PNOC: variants seen among roughly 807,000 people sequenced by gnomAD.
The protein encoded by PNOC is nociceptin.
In PNOC, 10 loss-of-function variants were observed where a neutral mutation model predicts 15.6. That is an observed-to-expected ratio of 0.64 (90% confidence interval 0.40 to 1.09). The LOEUF is 1.09. Ranked by LOEUF, PNOC falls within the 50% of genes least tolerant of loss-of-function variation. The pLI is 0.01. For missense variants in PNOC, 220 were observed against 223.9 expected, an observed-to-expected ratio of 0.98 and a Z score of 0.11; for synonymous variants, 98 against 88.5, an observed-to-expected ratio of 1.11 and a Z score of -0.60.
intron 1 of PNOC, among the ~76,000 whole-genome samples, chr8:28,324,758 G>C (rs967663470): frequency 3.3e-5 from 5 of 152,156 alleles, no homozygotes; most frequent in Non-Finnish European, 7.4e-5. Context: ...AGCTACTGAG[G>C]AGGCTGAGGC....
intron 3 of PNOC, among the ~76,000 whole-genome samples, chr8:28,341,362 T>C (rs1000091992): frequency 1.3e-4 from 20 of 152,270 alleles, no homozygotes; most frequent in Admixed American, 6.5e-5. Flanking sequence ...ATACTCACTC[T>C]TGGATCCTTC....
At chr8:28,324,560 C>CT (rs533667020) in intron 1 of PNOC, among the ~76,000 whole-genome samples, 1 of 152,154 alleles carries the variant, frequency 6.6e-6, no homozygotes, top group Non-Finnish European at 1.5e-5. Context: ...AAGACGGAAA[C>CT]TTAGTAGAAT....
intron 1 of PNOC, among the ~76,000 whole-genome samples, chr8:28,318,536 C>T (rs1408611741): frequency 1.3e-5 from 2 of 152,254 alleles, no homozygotes; most frequent in Non-Finnish European, 2.9e-5. Context: ...CTCTTTTTCG[C>T]TGCTTGTGGG....
At chr8:28,339,574 C>T (rs1801479622) in intron 3 of PNOC, 83 bp downstream of exon 3, 3 of 1,109,004 alleles carry the variant, frequency 2.7e-6, no homozygotes, top group Non-Finnish European at 3.6e-6. Context: ...CCTAGAAGCA[C>T]ATTCATCTCC....
chr8:28,342,842 TTC>T (rs1801547314), intron 3 of PNOC, 98 bp from the exon 4 acceptor site: 4 of 333,000 alleles, frequency 1.2e-5, no homozygotes, highest in African/African-American at 8.9e-5. Context: ...TTGATAGCTT[TTC>T]TTTGCCTCCC....
At chr8:28,328,748 A>G (rs892603933) in intron 1 of PNOC, among the ~76,000 whole-genome samples, 1 of 152,160 alleles carries the variant, frequency 6.6e-6, no homozygotes, top group East Asian at 1.9e-4. Context: ...GGTTGATTTA[A>G]TGTCACATGC....
chr8:28,321,681 T>C (rs1045106932), intron 1 of PNOC, among the ~76,000 whole-genome samples: 14 of 152,210 alleles, frequency 9.2e-5, no homozygotes, highest in Admixed American at 3.9e-4. Context: ...GAAAAGGTCT[T>C]GCTTAAAATC....
chr8:28,325,378 G>A (rs1355810391), intron 1 of PNOC, among the ~76,000 whole-genome samples: 1 of 152,130 alleles, frequency 6.6e-6, no homozygotes, highest in Non-Finnish European at 1.5e-5. Context: ...AAGAAGCCAG[G>A]CACAGTGGCT....
chr8:28,342,182 T>G (rs528143632), intron 3 of PNOC, among the ~76,000 whole-genome samples: 9 of 152,022 alleles, frequency 5.9e-5, no homozygotes, highest in Non-Finnish European at 8.8e-5. Flanking sequence ...CCGTCTCTAC[T>G]AAAAATACAA....
chr8:28,326,765 C>T (rs1048431301), intron 1 of PNOC, among the ~76,000 whole-genome samples: 2 of 152,138 alleles, frequency 1.3e-5, no homozygotes, highest in African/African-American at 4.8e-5. Context: ...GAGGCTGTGG[C>T]ATGAGAATCT....
chr8:28,330,915 T>G (rs561755814), intron 2 of PNOC, among the ~76,000 whole-genome samples: 1 of 152,206 alleles, frequency 6.6e-6, no homozygotes. Context: ...TTTTACTTTA[T>G]AGTCAAATAA....
At position 28,322,571 on chromosome 8, in the gene PNOC, C is replaced by G. The variant is rs116540251; in HGVS notation, c.-24+5255C>G. Reference sequence around the variant, plus strand: ...TCAGCTCCTCAAGCCTCAATCTGCTCAACTATAAAATGGGGATGATAGCAC... The same window carrying G: ...TCAGCTCCTCAAGCCTCAATCTGCTGAACTATAAAATGGGGATGATAGCAC... On this transcript the variant is annotated intron_variant, in intron 1 of 3. Coordinates refer to ENST00000301908, the MANE Select transcript of PNOC (RefSeq NM_006228.5). Among the ~76,000 whole-genome samples the G allele has an allele frequency of 2.2e-3, 342 of 152,238 alleles. 4 individuals are homozygous for G. Among genetic ancestry groups the G allele is most frequent in the African/African-American group, 7.3e-3 (305 of 41,536 alleles).
In PNOC at chr8:28,329,234, T is replaced by G; in HGVS notation, c.77T>G (p.Leu26Arg). ...SVFSSCQRDC[L>R]TCQEKLHPAL... ...TTCAGCAGTTGTCAGAGGGACTGTC[T>G]CACATGCCAGGAGAAGCTCCACCCA... Residue 26 changes from leucine (L) to arginine (R), a missense_variant, in exon 2 of 4, where the codon CTC (leucine) becomes CGC (arginine). Transcript: ENST00000301908. The G allele has an allele frequency of 6.2e-7, 1 of 1,614,032 alleles. No homozygotes were observed. Among genetic ancestry groups the G allele is most frequent in the Non-Finnish European group, 8.5e-7 (1 of 1,180,014 alleles).
Position 28,329,166 on chromosome 8 carries a change from C to T in PNOC, c.9C>T (p.Val3=). 6.2e-7 allele frequency: 1 copy of T among 1,613,788 alleles called. No individual in the cohort carries two copies. The change falls in exon 2 of 4, where the codon GTC becomes GTT. Residue 3 remains valine (V), a synonymous_variant. Coordinates refer to ENST00000301908, the MANE Select transcript of PNOC (RefSeq NM_006228.5). ...CTTCCTGCTCCTGCACCATGAAAGT[C>T]CTGCTTTGTGACCTGCTGCTGCTCA... MK[V]LLCDLLLLSL...
chr8:28,329,010 C>T (rs1801277382), intron 1 of PNOC, 125 bp from the exon 2 acceptor site: 5 of 939,076 alleles, frequency 5.3e-6, no homozygotes, highest in South Asian at 3.0e-5. Context: ...ATCACAGGCC[C>T]CTAGTGCCAT....
intron 1 of PNOC, among the ~76,000 whole-genome samples, chr8:28,325,694 A>G (rs1222564998): frequency 6.7e-6 from 1 of 149,566 alleles, no homozygotes; most frequent in African/African-American, 2.4e-5. Flanking sequence ...AAAGAAAGAC[A>G]TTAAGAGGCT....
Position 28,343,111 on chromosome 8 carries a change from C to T in PNOC, c.*217C>T. ...TCCCCAGCCCCCTGGCATGTTTCAC[C>T]ACAACCCTGTTGCTACATCAGAGTG... On this transcript the variant is annotated 3_prime_UTR_variant, in exon 4 of 4. Coordinates refer to ENST00000301908, the MANE Select transcript of PNOC (RefSeq NM_006228.5). 2 of 432,410 alleles carry T rather than the reference C, an allele frequency of 4.6e-6. No homozygotes were observed. The highest frequency in any genetic ancestry group is 6.2e-6 in the Non-Finnish European group (2 of 323,560). The allele number at this position is 432,410 out of a possible 1,614,324, so 26.8% of individuals were successfully genotyped here.
intron 1 of PNOC, among the ~76,000 whole-genome samples, chr8:28,318,464 T>C (rs2722898): frequency 0.29 from 44,410 of 152,186 alleles, 8,176 homozygotes; most frequent in Non-Finnish European, 0.41. Flanking sequence ...ACCAGAGTTT[T>C]CAACATAGAT....
intron 2 of PNOC, among the ~76,000 whole-genome samples, chr8:28,331,711 T>A (rs1801332161): frequency 6.6e-6 from 1 of 152,222 alleles, no homozygotes; most frequent in Non-Finnish European, 1.5e-5. Flanking sequence ...CCAGATTAAG[T>A]GTCCTCTGGT....
Sources: allele counts gnomAD v4.1 joint callset (sites outside exome capture counted in the v4.1 genomes callset), GRCh38; gene constraint gnomAD v4.1.1; transcripts MANE v1.5; gene names NCBI Gene and HGNC (gene_info 2026-07-23, HGNC 2026-07-21).